PHF14: variants seen among roughly 807,000 people sequenced by gnomAD.
PHF14 encodes the protein PHD finger protein 14.
PHF14 carries 55 observed loss-of-function variants against 117.9 expected under a neutral mutation model. That is an observed-to-expected ratio of 0.47 (90% CI 0.38 to 0.58). The LOEUF (loss-of-function observed/expected upper bound fraction) is 0.58. Among genes scored for constraint, PHF14 ranks in the 20% least tolerant of loss-of-function variants. The probability of loss-of-function intolerance (pLI) is 0.00; values close to 1 mark genes in which losing one functional copy is unlikely to be tolerated. For missense variants in PHF14, 978 were observed against 1,122.2 expected (o/e 0.87, Z 1.84); for synonymous variants, 409 against 368.6 (o/e 1.11, Z -1.26).
At chr7:11,127,025 A>G (rs1787946909) in intron 17 of PHF14, among the ~76,000 whole-genome samples, 1 of 152,116 alleles carries the variant, frequency 6.6e-6, no homozygotes. Context: ...CAGTGCCTTT[A>G]AACATGCTCA....
chr7:11,169,572 A>G lies in PHF14; in HGVS notation c.*82A>G, dbSNP rs1789304967. The stretch of plus-strand genomic sequence containing the variant: ...TTCTAATTGTAAAATGTTAAATTGT[A>G]AAATCTAATTTGCAAAATGTTCTCA... On this transcript the variant is annotated 3_prime_UTR_variant, in exon 18 of 18. Transcript: ENST00000634607. 8.6e-6 allele frequency: 5 copies of G among 583,490 alleles called. No individual in the cohort carries two copies. Among genetic ancestry groups the G allele is most frequent in the African/African-American group, 5.9e-5 (3 of 51,030 alleles). 36.1% of individuals were successfully genotyped at this position (583,490 alleles called of 1,614,324 possible). A position where few individuals can be genotyped will look rare whatever the true frequency, so the allele number is the denominator to read the frequency against.
intron 7 of PHF14, among the ~76,000 whole-genome samples, chr7:11,034,083 C>T: frequency 6.6e-6 from 1 of 151,986 alleles, no homozygotes; most frequent in Non-Finnish European, 1.5e-5. Flanking sequence ...CATTGCTGTA[C>T]TGTGACATCT....
chr7:11,091,399 G>GT (rs544146469), intron 16 of PHF14, among the ~76,000 whole-genome samples: 419 of 151,920 alleles, frequency 2.8e-3, no homozygotes, highest in African/African-American at 9.6e-3. Context: ...TGAATAGAGG[G>GT]TTTTTTTTAA....
At chr7:10,997,863 G>A (rs567744949) in intron 4 of PHF14, among the ~76,000 whole-genome samples, 1 of 152,154 alleles carries the variant, frequency 6.6e-6, no homozygotes, top group Non-Finnish European at 1.5e-5. Context: ...TCTAATATTG[G>A]TAGTGCATAC....
intron 16 of PHF14, among the ~76,000 whole-genome samples, chr7:11,096,555 T>C (rs1248824297): frequency 6.6e-6 from 1 of 152,148 alleles, no homozygotes. Context: ...GTATTTCATA[T>C]CGTATGTTGC....
At position 11,054,680 on chromosome 7, in the gene PHF14, C is replaced by T. The variant is rs183048120; in HGVS notation, c.2481+2900C>T. Among the ~76,000 whole-genome samples, 93 of 152,212 alleles carry T rather than the reference C, an allele frequency of 6.1e-4. 1 individual carries two copies. The highest frequency in any genetic ancestry group is 6.8e-3 in the Middle Eastern group (2 of 294). On this transcript the variant is annotated intron_variant, in intron 14 of 17. Transcript: ENST00000634607. Reference sequence around the variant, plus strand: ...TAATTATGAGAGACCAGGCATACAACAGCTTACTAACTTGTATAAATACCT... The same window carrying T: ...TAATTATGAGAGACCAGGCATACAATAGCTTACTAACTTGTATAAATACCT...
intron 16 of PHF14, among the ~76,000 whole-genome samples, chr7:11,094,387 C>T (rs909851974): frequency 6.6e-6 from 1 of 152,128 alleles, no homozygotes; most frequent in Non-Finnish European, 1.5e-5. Context: ...AGTTGTTCTG[C>T]ACTCCTTGGT....
At chr7:11,043,716 T>C (rs1235343660) in intron 13 of PHF14, among the ~76,000 whole-genome samples, 2 of 152,292 alleles carry the variant, frequency 1.3e-5, no homozygotes, top group South Asian at 4.1e-4. Context: ...ATATTCATAC[T>C]GGCCTGTTCT....
chr7:11,162,072 C>CTTTTTTTTTTTTTTTTTTTTTTTTTTTTT (rs564998009), intron 17 of PHF14, among the ~76,000 whole-genome samples: 3 of 70,278 alleles, frequency 4.3e-5, no homozygotes, highest in Non-Finnish European at 5.9e-5. Context: ...AAAAATATGT[C>CTTTTTTTTTTTTTTTTTTTTTTTTTTTTT]TTTTTTTTTT....
intron 16 of PHF14, among the ~76,000 whole-genome samples, chr7:11,075,370 C>T (rs1054263067): frequency 2.0e-5 from 3 of 152,054 alleles, no homozygotes; most frequent in Admixed American, 6.6e-5. Context: ...ACGGATCTGC[C>T]GGCTGTACAA....
intron 1 of PHF14, 48 bp from the exon 2 acceptor site, chr7:10,974,787 G>T: frequency 1.1e-6 from 1 of 939,124 alleles, no homozygotes; most frequent in Non-Finnish European, 1.7e-6. Context: ...ACTCTCCCCT[G>T]TGTTTGGTGT....
intron 13 of PHF14, among the ~76,000 whole-genome samples, chr7:11,050,680 TA>T (rs1784827632): frequency 6.6e-6 from 1 of 152,214 alleles, no homozygotes; most frequent in Admixed American, 6.5e-5. Context: ...CCTAATATTA[TA>T]AAAAGTTCTG....
chr7:11,143,482 C>G (rs1403252480), intron 17 of PHF14, among the ~76,000 whole-genome samples: 1 of 151,884 alleles, frequency 6.6e-6, no homozygotes, highest in Non-Finnish European at 1.5e-5. Flanking sequence ...TGACAGATCA[C>G]TTCAAGAAAT....
Position 11,047,757 on chromosome 7 carries a change from A to G in PHF14, c.2313-3855A>G, listed in dbSNP as rs1007747023. The stretch of plus-strand genomic sequence containing the variant: ...GCTGAGATTGCGCCAGTGCTCTCCA[A>G]TCTGGGTGACAGAGTGAGACTCTGT... On this transcript the variant is annotated intron_variant, in intron 13 of 17. Coordinates refer to ENST00000634607, the MANE Select transcript of PHF14 (RefSeq NM_001007157.2). 2.8e-5 allele frequency among the ~76,000 whole-genome samples: 4 copies of G among 144,566 alleles called. No homozygotes were observed. The Admixed American group carries it at 2.8e-4, about 10-fold the overall frequency. The allele number at this position is 144,566 out of a possible 152,430, so 94.8% of individuals were successfully genotyped here. A position where few individuals can be genotyped will look rare whatever the true frequency, so the allele number is the denominator to read the frequency against.
chr7:11,001,149 G>A (rs1782858525), intron 4 of PHF14, among the ~76,000 whole-genome samples: 2 of 152,068 alleles, frequency 1.3e-5, no homozygotes, highest in African/African-American at 4.8e-5. Context: ...TGTTAAAAAA[G>A]CTGTCTGTGC....
At chr7:11,073,053 A>G (rs757982388) in intron 16 of PHF14, among the ~76,000 whole-genome samples, 8 of 152,182 alleles carry the variant, frequency 5.3e-5, no homozygotes, top group Non-Finnish European at 7.4e-5. Flanking sequence ...TGTTATTTGA[A>G]TGGGAGAAAC....
Position 10,991,907 on chromosome 7 carries a change from G to GT in PHF14, c.1045+1072dup, listed in dbSNP as rs1048504850. ...ACCAGTGTGCCAGGCCTTATTTCCAGTTTTTTTTTTTTAATTTTAAATTTT... is the reference window on the plus strand; with the variant it reads ...ACCAGTGTGCCAGGCCTTATTTCCAGTTTTTTTTTTTTTAATTTTAAATTTT... On this transcript the variant is annotated intron_variant, in intron 4 of 17. Transcript: ENST00000634607. Among the ~76,000 whole-genome samples the GT allele has an allele frequency of 3.9e-3, 533 of 137,534 alleles. 2 individuals carry two copies. Among genetic ancestry groups the GT allele is most frequent in the African/African-American group, 9.5e-3 (357 of 37,486 alleles). 90.2% of individuals were successfully genotyped at this position (137,534 alleles called of 152,430 possible).
intron 17 of PHF14, among the ~76,000 whole-genome samples, chr7:11,157,782 ATTT>A (rs1788910164): frequency 1.3e-5 from 2 of 152,198 alleles, no homozygotes; most frequent in Non-Finnish European, 2.9e-5. Flanking sequence ...GTAAATACTC[ATTT>A]ATAGTGTGGA....
chr7:11,050,119 A>C (rs1206995099), intron 13 of PHF14, among the ~76,000 whole-genome samples: 2 of 152,192 alleles, frequency 1.3e-5, no homozygotes, highest in African/African-American at 2.4e-5. Context: ...CTTGGTATTT[A>C]ACTCTTGTTG....
Sources: allele counts gnomAD v4.1 joint callset (sites outside exome capture counted in the v4.1 genomes callset), GRCh38; gene constraint gnomAD v4.1.1; transcripts MANE v1.5; gene names NCBI Gene and HGNC (gene_info 2026-07-23, HGNC 2026-07-21).